The following NAV3 variants were observed in gnomAD, a reference collection of about 807,000 sequenced individuals.
NAV3 encodes the protein pore membrane and/or filament interacting like protein 1.
A neutral mutation model predicts 244.7 loss-of-function variants in NAV3; 87 were observed. The ratio of observed to expected loss-of-function variants is 0.36; its 90% CI spans 0.30 to 0.42. The LOEUF is 0.42. Ranked by LOEUF, NAV3 falls within the 20% of genes least tolerant of loss-of-function variation. The pLI, the probability that NAV3 is intolerant of heterozygous loss-of-function variation, is 1.00. For missense variants in NAV3, 2,663 were observed against 2,893.3 expected (o/e 0.92, Z 1.83); for synonymous variants, 1,126 against 1,042.2 (o/e 1.08, Z -1.55).
At chr12:77,687,873 C>A (rs897510313) in intron 2 of NAV3, among the ~76,000 whole-genome samples, 2 of 151,986 alleles carry the variant, frequency 1.3e-5, no homozygotes, top group Non-Finnish European at 2.9e-5. Context: ...GGGATTTTAA[C>A]CTTTTTGACA....
At chr12:77,979,219 CA>C (rs1330078151) in intron 5 of NAV3, among the ~76,000 whole-genome samples, 2 of 38,496 alleles carry the variant, frequency 5.2e-5, no homozygotes, top group African/African-American at 1.9e-4. Context: ...ACAAAAAATA[CA>C]ATACAAAAAA....
chr12:77,865,004 G>T (rs969428176), intron 1 of NAV3, among the ~76,000 whole-genome samples: 4 of 151,884 alleles, frequency 2.6e-5, no homozygotes, highest in African/African-American at 9.7e-5. Flanking sequence ...TCCTGGAATT[G>T]GGCATATTTT....
intron 20 of NAV3, among the ~76,000 whole-genome samples, chr12:78,146,111 T>G (rs954161368): frequency 2.6e-5 from 4 of 152,102 alleles, no homozygotes; most frequent in Admixed American, 6.6e-5. Context: ...TAATTCTGTC[T>G]TTTGCTTAAA....
At chr12:78,156,248 G>T (rs974935447) in intron 22 of NAV3, among the ~76,000 whole-genome samples, 1 of 151,848 alleles carries the variant, frequency 6.6e-6, no homozygotes, top group African/African-American at 2.4e-5. Flanking sequence ...TTTATTAATT[G>T]TTTTTTCAGT....
intron 20 of NAV3, among the ~76,000 whole-genome samples, chr12:78,143,626 G>GAAAAAA (rs71088361): frequency 2.6e-5 from 2 of 75,956 alleles, no homozygotes. Flanking sequence ...CACTGTCTCA[G>GAAAAAA]AAAAAAAAAA....
chr12:77,971,206 T>TG (rs1376773993), intron 5 of NAV3, among the ~76,000 whole-genome samples: 1 of 152,160 alleles, frequency 6.6e-6, no homozygotes, highest in African/African-American at 2.4e-5. Context: ...TACAAGTTTA[T>TG]GAAAAGTATT....
rs1217821894 is a variant in NAV3, at chr12:78,144,856, G to T, written c.4684-1513G>T. Among the ~76,000 whole-genome samples, 16 of 139,712 alleles carry T rather than the reference G, an allele frequency of 1.1e-4. No individual in the cohort carries two copies. In the Admixed American group the frequency reaches 1.2e-3, roughly 11 times the overall value. 91.7% of individuals were successfully genotyped at this position (139,712 alleles called of 152,430 possible). A position where few individuals can be genotyped will look rare whatever the true frequency, so the allele number is the denominator to read the frequency against. ...GTAAAAAGTAGGCCGGGCACGGTGG[G>T]CTACAGTGAGTTGTGAATGCGCAGT... On this transcript the variant is annotated intron_variant, in intron 20 of 39. Transcript: ENST00000397909.
chr12:78,177,371 G>A, intron 27 of NAV3, 58 bp downstream of exon 27: 2 of 1,555,304 alleles, frequency 1.3e-6, no homozygotes, highest in Non-Finnish European at 1.7e-6. Flanking sequence ...TTTAGATGAA[G>A]GCCTTATTTA....
intron 39 of NAV3, among the ~76,000 whole-genome samples, chr12:78,208,812 A>C (rs1960598670): frequency 6.6e-6 from 1 of 152,162 alleles, no homozygotes; most frequent in South Asian, 2.1e-4. Flanking sequence ...ACTCTTACTA[A>C]ATCACTAGGG....
chr12:77,694,854 T>C (rs1415928810), intron 2 of NAV3, among the ~76,000 whole-genome samples: 5 of 152,142 alleles, frequency 3.3e-5, no homozygotes, highest in Non-Finnish European at 5.9e-5. Context: ...TGGAGATGTT[T>C]TGAGTGTCAG....
At chr12:78,078,374 T>C (rs1159441404) in intron 12 of NAV3, among the ~76,000 whole-genome samples, 3 of 112,186 alleles carry the variant, frequency 2.7e-5, no homozygotes, top group Admixed American at 1.1e-4. Context: ...CTCTTTCCAC[T>C]CTTTTTTTTT....
intron 1 of NAV3, among the ~76,000 whole-genome samples, chr12:77,879,020 C>A (rs1418751619): frequency 1.3e-5 from 2 of 152,046 alleles, no homozygotes; most frequent in Non-Finnish European, 2.9e-5. Flanking sequence ...CCCAGATGGT[C>A]ATTTCTTTAT....
At position 78,007,406 on chromosome 12, in the gene NAV3, G is replaced by T. The variant is rs778177917; in HGVS notation, c.1868G>T (p.Ser623Ile). 1 of 1,614,088 alleles carries T rather than the reference G, an allele frequency of 6.2e-7. No homozygotes were observed. The highest frequency in any genetic ancestry group is 8.5e-7 in the Non-Finnish European group (1 of 1,179,998). The change falls in exon 8 of 40, where the codon AGC (serine) becomes ATC (isoleucine). Residue 623 changes from serine to isoleucine, a missense_variant. Coordinates refer to ENST00000397909, the MANE Select transcript of NAV3 (RefSeq NM_001024383.2). ...AVQLPQQQQH[S>I]HPNTATVAPF... is the part of the protein sequence containing the mutation. ...CAACTCCCTCAACAGCAGCAACATA[G>T]CCACCCGAATACCGCGACAGTGGCA...
At chr12:77,813,886 T>C (rs116112457) in intron 2 of NAV3, among the ~76,000 whole-genome samples, 2,181 of 152,318 alleles carry the variant, frequency 0.014, 49 homozygotes, top group African/African-American at 0.05. Flanking sequence ...TTGCATCTAA[T>C]GTAAATACAT....
chr12:77,730,755 G>A (rs909406492), intron 2 of NAV3, among the ~76,000 whole-genome samples: 2 of 151,030 alleles, frequency 1.3e-5, no homozygotes, highest in African/African-American at 4.8e-5. Context: ...GAATGGGATG[G>A]CATAGTGCTT....
At chr12:77,966,005 T>C (rs149449718) in intron 3 of NAV3, among the ~76,000 whole-genome samples, 356 of 152,316 alleles carry the variant, frequency 2.3e-3, no homozygotes, top group South Asian at 5.4e-3. Context: ...CCATTCTTTA[T>C]CAGGCCTTTA....
intron 2 of NAV3, among the ~76,000 whole-genome samples, chr12:77,752,812 A>G (rs1351282410): frequency 6.6e-6 from 1 of 152,146 alleles, no homozygotes; most frequent in African/African-American, 2.4e-5. Context: ...ATCTCTCAAA[A>G]TTGAATGCAC....
At chr12:78,198,152 A>G (rs1354260207) in intron 35 of NAV3, among the ~76,000 whole-genome samples, 3 of 151,924 alleles carry the variant, frequency 2.0e-5, no homozygotes, top group South Asian at 4.1e-4. Flanking sequence ...TATCTCTGCT[A>G]GAGATTTTTG....
chr12:78,148,956 T>C, intron 22 of NAV3, 37 bp downstream of exon 22: 1 of 1,503,382 alleles, frequency 6.7e-7, no homozygotes, highest in Non-Finnish European at 9.2e-7. Flanking sequence ...TTACAACAAA[T>C]TTTTATAGAG....
Sources: allele counts gnomAD v4.1 joint callset (sites outside exome capture counted in the v4.1 genomes callset), GRCh38; gene constraint gnomAD v4.1.1; transcripts MANE v1.5; gene names NCBI Gene and HGNC (gene_info 2026-07-23, HGNC 2026-07-21).